The following R3HDM2 variants were observed in gnomAD, a reference collection of about 807,000 sequenced individuals.
R3HDM2 encodes the protein R3H domain containing 2.
R3HDM2 carries 38 observed loss-of-function variants against 124.5 expected under a neutral mutation model. The observed-to-expected ratio is 0.31, with a 90% CI of 0.24 to 0.40. The LOEUF is 0.40. R3HDM2 is among the 10% of genes least tolerant of loss of function. The probability of loss-of-function intolerance (pLI) is 1.00; values close to 1 mark genes in which losing one functional copy is unlikely to be tolerated. For synonymous variants in R3HDM2, 391 were observed against 448.0 expected (o/e 0.87, Z 1.61); for missense variants, 869 against 1,236.9 (o/e 0.70, Z 4.46).
At chr12:57,276,208 TAA>T (rs1263227424) in intron 14 of R3HDM2, among the ~76,000 whole-genome samples, 64 of 105,292 alleles carry the variant, frequency 6.1e-4, no homozygotes, top group Admixed American at 5.3e-4. Context: ...AGACTCCATC[TAA>T]AAAAAAAAAA....
chr12:57,268,832 T>TG lies in R3HDM2; in HGVS notation c.1875+89dup, dbSNP rs367939399. 1,354 of 1,438,572 alleles carry TG rather than the reference T, an allele frequency of 9.4e-4. 17 individuals carry two copies. The African/African-American group carries it at 0.017, about 18-fold the overall frequency. 89.1% of individuals were successfully genotyped at this position (1,438,572 alleles called of 1,614,324 possible). ...GGGAAAGTAGACACTATTTTAGTAT[T>TG]GGAGTTTTTAGTATGGATGACCCTG... is the stretch of plus-strand genomic sequence containing the variant. On this transcript the variant is annotated intron_variant, in intron 17 of 23. Coordinates refer to ENST00000402412, the MANE Select transcript of R3HDM2 (RefSeq NM_001394031.1).
Position 57,395,770 on chromosome 12 carries a change from A to G in R3HDM2, c.-57T>C. The G allele has an allele frequency of 1.0e-6, 1 of 984,834 alleles. No homozygotes were observed. Among genetic ancestry groups the G allele is most frequent in the Non-Finnish European group, 1.2e-6 (1 of 829,452 alleles). The allele number at this position is 984,834 out of a possible 1,614,324, so 61.0% of individuals were successfully genotyped here. A position where few individuals can be genotyped will look rare whatever the true frequency, so the allele number is the denominator to read the frequency against. ...TTACCTGAATAAATGCTCAGCCTCC[A>G]TGAGTCCAGTGCTGGAATGGCATCA... On this transcript the variant is annotated 5_prime_UTR_variant, in exon 2 of 24. An upstream start codon of the reference 5' UTR is lost. Coordinates refer to ENST00000402412, the MANE Select transcript of R3HDM2 (RefSeq NM_001394031.1).
At chr12:57,256,563 C>T in intron 21 of R3HDM2, 52 bp from the exon 22 acceptor site, 2 of 1,365,800 alleles carry the variant, frequency 1.5e-6, no homozygotes, top group Non-Finnish European at 2.0e-6. Flanking sequence ...CATAGTATGA[C>T]TTTTATAAGA....
chr12:57,297,955 C>A (rs2050243615), intron 7 of R3HDM2, 135 bp downstream of exon 7: 4 of 700,004 alleles, frequency 5.7e-6, no homozygotes, highest in South Asian at 4.8e-5. Context: ...TAAAACTATA[C>A]CTGACAAATA....
chr12:57,255,090 T>C lies in R3HDM2; in HGVS notation c.2656A>G (p.Thr886Ala). ...DVVLGRVLEV[T>A]DLPEGITRTE... Reference sequence around the variant, plus strand: ...CGGGTGATGCCCTCAGGGAGATCTGTCACCTCCAGCACCCGCCCCAGGACT... The same window carrying C: ...CGGGTGATGCCCTCAGGGAGATCTGCCACCTCCAGCACCCGCCCCAGGACT... Residue 886 changes from threonine to alanine, a missense_variant, in exon 24 of 24, where the codon ACA (threonine) becomes GCA (alanine). By Grantham distance (58) the Thr-to-Ala change is moderately conservative. Transcript: ENST00000402412. 6.3e-7 allele frequency: 1 copy of C among 1,599,108 alleles called. No homozygotes were observed. Among genetic ancestry groups the C allele is most frequent in the Non-Finnish European group, 8.5e-7 (1 of 1,171,422 alleles).
chr12:57,278,380 C>T (rs533988899), intron 14 of R3HDM2, among the ~76,000 whole-genome samples: 33 of 152,200 alleles, frequency 2.2e-4, no homozygotes, highest in African/African-American at 7.5e-4. Flanking sequence ...TATTCCTCTC[C>T]CACTCTTGCC....
chr12:57,374,683 TAAAAAAAA>T (rs56197858), intron 2 of R3HDM2, among the ~76,000 whole-genome samples: 1 of 28,092 alleles, frequency 3.6e-5, no homozygotes, highest in Non-Finnish European at 6.4e-5. Flanking sequence ...AATTCTATCT[TAAAAAAAA>T]AAAAAAAAAA....
At chr12:57,342,122 G>A (rs976404839) in intron 2 of R3HDM2, among the ~76,000 whole-genome samples, 5 of 152,066 alleles carry the variant, frequency 3.3e-5, no homozygotes, top group Non-Finnish European at 7.4e-5. Flanking sequence ...CCAGTCTGTG[G>A]AGTTCAAGGA....
chr12:57,421,243 C>T (rs1281320652), intron 1 of R3HDM2, among the ~76,000 whole-genome samples: 1 of 144,378 alleles, frequency 6.9e-6, no homozygotes, highest in Non-Finnish European at 1.5e-5. Flanking sequence ...CCTCCGCCTA[C>T]TAGATTCAAG....
At chr12:57,293,928 C>T (rs2049168656) in intron 10 of R3HDM2, among the ~76,000 whole-genome samples, 1 of 152,208 alleles carries the variant, frequency 6.6e-6, no homozygotes, top group African/African-American at 2.4e-5. Flanking sequence ...ATATTGTCCT[C>T]AGCCCCTAGG....
chr12:57,258,310 T>TTTTATTTATTTA (rs201590705), intron 20 of R3HDM2, among the ~76,000 whole-genome samples, 173 bp from the exon 21 acceptor site: 61 of 145,106 alleles, frequency 4.2e-4, no homozygotes, highest in Admixed American at 9.6e-4. Context: ...ATTTATGCTA[T>TTTTATTTATTTA]TTTATTTATT....
intron 2 of R3HDM2, among the ~76,000 whole-genome samples, chr12:57,363,720 A>T (rs1055856631): frequency 6.6e-6 from 1 of 152,138 alleles, no homozygotes; most frequent in Non-Finnish European, 1.5e-5. Context: ...TCAATTTTTT[A>T]AAAAGGCTGA....
chr12:57,323,555 C>T (rs890267751), intron 2 of R3HDM2, among the ~76,000 whole-genome samples: 3 of 152,190 alleles, frequency 2.0e-5, no homozygotes, highest in African/African-American at 4.8e-5. Flanking sequence ...CAAAAGGATT[C>T]ACTGGTGTGT....
At chr12:57,307,651 G>C (rs2052973742) in intron 3 of R3HDM2, among the ~76,000 whole-genome samples, 1 of 144,188 alleles carries the variant, frequency 6.9e-6, no homozygotes, top group African/African-American at 2.6e-5. Flanking sequence ...TTTTGAGACA[G>C]GGTCTCACTC....
At chr12:57,313,133 T>C (rs1163917654) in intron 2 of R3HDM2, among the ~76,000 whole-genome samples, 4 of 152,158 alleles carry the variant, frequency 2.6e-5, no homozygotes, top group African/African-American at 4.8e-5. Context: ...TTTGTTTATG[T>C]ATGTAGTATG....
chr12:57,339,330 C>T (rs575444498), intron 2 of R3HDM2, among the ~76,000 whole-genome samples: 2 of 152,098 alleles, frequency 1.3e-5, no homozygotes, highest in African/African-American at 4.8e-5. Flanking sequence ...ATAATTTGGC[C>T]AAGGTCACAG....
chr12:57,317,981 GC>G lies in R3HDM2; in HGVS notation c.-35-7519del, dbSNP rs371720792. ...GGCAACAGAGCGAGACTCCGTCCCC[GC>G]CCCCCCAAAAAAAAAAAAAAGGAAT... On this transcript the variant is annotated intron_variant, in intron 2 of 23. Transcript: ENST00000402412. Among the ~76,000 whole-genome samples the G allele has an allele frequency of 1.8e-3, 235 of 127,854 alleles. 8 individuals are homozygous for G. The highest frequency in any genetic ancestry group is 2.0e-3 in the Admixed American group (26 of 12,706). The allele number at this position is 127,854 out of a possible 152,430, so 83.9% of individuals were successfully genotyped here. A position where few individuals can be genotyped will look rare whatever the true frequency, so the allele number is the denominator to read the frequency against.
chr12:57,308,534 A>C (rs1009573281), intron 3 of R3HDM2, among the ~76,000 whole-genome samples: 7 of 151,838 alleles, frequency 4.6e-5, no homozygotes, highest in Non-Finnish European at 8.8e-5. Flanking sequence ...AAAATACAAA[A>C]AATTAGCCGG....
chr12:57,261,608 C>T (rs915925918), intron 19 of R3HDM2, among the ~76,000 whole-genome samples: 1 of 152,156 alleles, frequency 6.6e-6, no homozygotes, highest in Non-Finnish European at 1.5e-5. Context: ...GAGTCCTCCC[C>T]TGCTGGCCTG....
Sources: gnomAD v4.1 joint callset for allele counts (sites outside exome capture counted in the v4.1 genomes callset) on GRCh38, gnomAD v4.1.1 for gene constraint, MANE v1.5 for transcripts, NCBI Gene and HGNC (gene_info 2026-07-23, HGNC 2026-07-21) for gene names.